The following IFT70A variants were observed in gnomAD, a reference collection of about 807,000 sequenced individuals.
IFT70A encodes the protein intraflagellar transport 70A.
the IFT70A span, chr2:177,617,428 G>C: frequency 6.2e-7 from 1 of 1,607,118 alleles, no homozygotes; most frequent in East Asian, 2.2e-5. Context: ...CATCAACACA[G>C]GAATGTATTT....
At chr2:177,618,105 G>A in the IFT70A span, 46 of 1,614,136 alleles carry the variant, frequency 2.8e-5, no homozygotes, top group South Asian at 1.1e-5. Context: ...GTCGGCTGCT[G>A]TAATAGGCCA....
chr2:177,617,867 G>A, the IFT70A span: 4 of 1,614,196 alleles, frequency 2.5e-6, no homozygotes, highest in Non-Finnish European at 3.4e-6. Flanking sequence ...TCTGCCCTGG[G>A]TGGCATGTCG....
chr2:177,613,940 TAAAC>T, the IFT70A span: 4 of 152,218 alleles, frequency 2.6e-5, no homozygotes, highest in South Asian at 2.1e-4. Context: ...AGGTCTCACT[TAAAC>T]TAACAAATGC....
chr2:177,617,306 G>A, the IFT70A span: 3 of 1,584,322 alleles, frequency 1.9e-6, no homozygotes, highest in South Asian at 2.3e-5. Flanking sequence ...AACAGAACAT[G>A]AGCCACATTC....
chr2:177,618,693 ACCAG>A, the IFT70A span: 2 of 1,547,566 alleles, frequency 1.3e-6, no homozygotes, highest in East Asian at 4.7e-5. Context: ...CGCCGCTCAG[ACCAG>A]CCATAACCAC....
chr2:177,613,249 A>C, the IFT70A span: 1 of 152,314 alleles, frequency 6.6e-6, no homozygotes, highest in East Asian at 1.9e-4. Flanking sequence ...ACTACAGAAA[A>C]ATTTTTTGCC....
At chr2:177,614,358 T>C in the IFT70A span, 2 of 152,306 alleles carry the variant, frequency 1.3e-5, no homozygotes, top group African/African-American at 2.4e-5. Context: ...ATACAAATAC[T>C]GCATGTCTTT....
the IFT70A span, chr2:177,618,212 G>C: frequency 6.2e-7 from 1 of 1,614,232 alleles, no homozygotes; most frequent in Non-Finnish European, 8.5e-7. Flanking sequence ...TCCTTGTAGA[G>C]CAAACAACCC....
chr2:177,616,619 T>C, the IFT70A span: 1 of 1,223,200 alleles, frequency 8.2e-7, no homozygotes, highest in Non-Finnish European at 1.1e-6. Flanking sequence ...ATAAGACAAA[T>C]ATAAAGATGC....
chr2:177,617,583 T>C, the IFT70A span: 1 of 1,614,236 alleles, frequency 6.2e-7, no homozygotes, highest in South Asian at 1.1e-5. Flanking sequence ...TGAAAGCCTC[T>C]TCAGGAGCTG....
the IFT70A span, chr2:177,616,748 G>T: frequency 2.6e-6 from 4 of 1,557,024 alleles, no homozygotes; most frequent in East Asian, 8.9e-5. Flanking sequence ...GCTTTCAATT[G>T]TCTGGACTCA....
chr2:177,618,417 A>G, the IFT70A span: 1 of 1,612,246 alleles, frequency 6.2e-7, no homozygotes, highest in Non-Finnish European at 8.5e-7. Context: ...TGGCCTCCGG[A>G]TAAAGGCAGG....
the IFT70A span, chr2:177,618,134 G>C: frequency 6.2e-7 from 1 of 1,614,254 alleles, no homozygotes; most frequent in Admixed American, 1.7e-5. Flanking sequence ...TTGTAGGAAA[G>C]GTCAGGCTGG....
chr2:177,615,164 C>T, the IFT70A span: 3 of 152,268 alleles, frequency 2.0e-5, no homozygotes, highest in South Asian at 4.1e-4. Flanking sequence ...TTCACTTCAC[C>T]GGTTCCTCTG....
chr2:177,613,219 G>C, the IFT70A span: 4 of 152,292 alleles, frequency 2.6e-5, no homozygotes, highest in South Asian at 8.3e-4. Context: ...AAAAGTTCTA[G>C]AAACAAAAAT....
chr2:177,618,735 G>A, the IFT70A span: 5 of 1,509,922 alleles, frequency 3.3e-6, no homozygotes, highest in Non-Finnish European at 4.4e-6. Context: ...CGGTTACCAC[G>A]GCAACAGGGC....
the IFT70A span, chr2:177,616,673 C>T: frequency 6.8e-7 from 1 of 1,461,818 alleles, no homozygotes; most frequent in Non-Finnish European, 9.0e-7. Context: ...CGTAAGAAAG[C>T]CATTTTGAAA....
chr2:177,613,057 A>T, the IFT70A span: 1 of 152,334 alleles, frequency 6.6e-6, no homozygotes, highest in Admixed American at 6.5e-5. Flanking sequence ...TTTACCAATC[A>T]TTTCATTATA....
chr2:177,614,432 T>C, the IFT70A span: 19 of 152,276 alleles, frequency 1.2e-4, no homozygotes, highest in African/African-American at 4.6e-4. Flanking sequence ...ACCACAAATA[T>C]ATAAAAAAAC....
Sources: gnomAD v4.1 joint callset for allele counts on GRCh38, gnomAD v4.1.1 for gene constraint, MANE v1.5 for transcripts, NCBI Gene and HGNC (gene_info 2026-07-23, HGNC 2026-07-21) for gene names.